The following ZNF226 variants were observed in gnomAD, a reference collection of about 807,000 sequenced individuals.
The protein encoded by ZNF226 is Kruppel-associated box protein.
ZNF226 carries 6 observed loss-of-function variants against 11.4 expected under a neutral mutation model. The observed-to-expected ratio is 0.53, with a 90% CI of 0.29 to 1.04. The LOEUF (loss-of-function observed/expected upper bound fraction) is 1.04, where lower values mean the gene tolerates loss of function less well. ZNF226 is among the 50% of genes least tolerant of loss of function. ZNF226 has a pLI of 0.08. For missense variants in ZNF226, 1,058 were observed against 956.5 expected (o/e 1.11, Z -1.40); for synonymous variants, 350 against 322.8 (o/e 1.08, Z -0.90).
downstream of ZNF226, among the ~76,000 whole-genome samples, chr19:44,181,433 A>G (rs1272367451): frequency 1.3e-5 from 2 of 151,350 alleles, no homozygotes; most frequent in Non-Finnish European, 1.5e-5. Flanking sequence ...CAACTTCCCT[A>G]TTTTGAGCCT....
downstream of ZNF226, among the ~76,000 whole-genome samples, chr19:44,182,338 TGCGC>T (rs538435042): frequency 6.7e-6 from 1 of 148,962 alleles, no homozygotes; most frequent in African/African-American, 2.6e-5. Context: ...GCACACGTGA[TGCGC>T]GCGCGCGCGT....
At chr19:44,192,912 T>C in the ZNF226 span, among the ~76,000 whole-genome samples, 12 of 152,186 alleles carry the variant, frequency 7.9e-5, no homozygotes, top group Non-Finnish European at 1.8e-4. Flanking sequence ...TACTCAATTT[T>C]TGATAAAACC....
chr19:44,199,426 T>C, the ZNF226 span, among the ~76,000 whole-genome samples: 3 of 152,332 alleles, frequency 2.0e-5, no homozygotes, highest in Middle Eastern at 3.4e-3. Context: ...ATTTACATCA[T>C]GGTGCAGCTT....
Position 44,175,716 on chromosome 19 carries a change from A to G in ZNF226, c.454A>G (p.Lys152Glu). Residue 152 changes from lysine to glutamate, a missense_variant, in exon 6 of 6, where the codon AAA becomes GAA. Physicochemically the swap from Lys to Glu is moderately conservative, Grantham distance 56. Transcript: ENST00000337433. ...ISEDENYIVN[K>E]ADGPNNTGNP... ...TGAAGATGAGAACTATATAGTAAATAAAGCAGATGGTCCCAATAATACTGG... is the reference window on the plus strand; with the variant it reads ...TGAAGATGAGAACTATATAGTAAATGAAGCAGATGGTCCCAATAATACTGG... 1 of 1,612,510 alleles carries G rather than the reference A, an allele frequency of 6.2e-7. No homozygotes were observed. The highest frequency in any genetic ancestry group is 1.7e-4 in the Middle Eastern group (1 of 6,056).
Position 44,176,149 on chromosome 19 carries a change from C to T in ZNF226, c.887C>T (p.Pro296Leu). The T allele has an allele frequency of 6.2e-7, 1 of 1,614,128 alleles. No individual in the cohort carries two copies. Among genetic ancestry groups the T allele is most frequent in the Non-Finnish European group, 8.5e-7 (1 of 1,180,014 alleles). Residue 296 changes from proline to leucine, a missense_variant, in exon 6 of 6, where the codon CCT becomes CTT. Pro to Leu is a moderately conservative substitution (Grantham distance 98, BLOSUM62 -3). Transcript: ENST00000337433. Reference sequence around the variant, plus strand: ...GGCTTCTGTTACAGCCCAGTTCTTCCTGTTCATCAGAAAGTACATGTGGGA... The same window carrying T: ...GGCTTCTGTTACAGCCCAGTTCTTCTTGTTCATCAGAAAGTACATGTGGGA... ...GKGFCYSPVL[P>L]VHQKVHVGEK...
the ZNF226 span, among the ~76,000 whole-genome samples, chr19:44,199,233 G>GT: frequency 6.6e-6 from 1 of 152,100 alleles, no homozygotes; most frequent in Non-Finnish European, 1.5e-5. Flanking sequence ...GAAGTGCAGT[G>GT]GCACAATCTT....
At chr19:44,196,113 A>G in the ZNF226 span, among the ~76,000 whole-genome samples, 2 of 152,132 alleles carry the variant, frequency 1.3e-5, no homozygotes, top group Non-Finnish European at 2.9e-5. Flanking sequence ...TCAAAGAAGC[A>G]TGATTGATAA....
chr19:44,175,447 A>C, intron 5 of ZNF226, 51 bp from the exon 6 acceptor site: 20 of 1,525,212 alleles, frequency 1.3e-5, no homozygotes, highest in Non-Finnish European at 1.7e-5. Context: ...TGAAATCTTA[A>C]ATCTTTGAAC....
chr19:44,189,239 C>G, the ZNF226 span, among the ~76,000 whole-genome samples: 1 of 152,082 alleles, frequency 6.6e-6, no homozygotes, highest in East Asian at 1.9e-4. Context: ...AAGAAAGATA[C>G]GAAGTAAAAT....
At chr19:44,178,993 A>C (rs1029639940), downstream of ZNF226, among the ~76,000 whole-genome samples, 1 of 152,122 alleles carries the variant, frequency 6.6e-6, no homozygotes, top group African/African-American at 2.4e-5. Flanking sequence ...CAACCTGGCC[A>C]ACATGGTGAA....
the ZNF226 span, among the ~76,000 whole-genome samples, chr19:44,192,809 A>AT: frequency 3.9e-5 from 6 of 152,130 alleles, no homozygotes; most frequent in Non-Finnish European, 7.4e-5. Context: ...CCTCTTGCAG[A>AT]TTTTTTTTAA....
chr19:44,172,200 AC>A lies in ZNF226; in HGVS notation c.130del (p.Leu44CysfsTer16). The A allele has an allele frequency of 6.2e-7, 1 of 1,611,614 alleles. No homozygotes were observed. Among genetic ancestry groups the A allele is most frequent in the Non-Finnish European group, 8.5e-7 (1 of 1,178,402 alleles). On this transcript the variant is annotated frameshift_variant, in exon 4 of 6. Coordinates refer to ENST00000337433, the MANE Select transcript of ZNF226 (RefSeq NM_001032373.2). LOFTEE classifies it high-confidence loss of function. ...GATGTGATGGTGGAGAACTTTAGGA[AC>A]CTGCTGTCAGTGGGTGAGGACAGCC... ...YRDVMVENFR[N>X]LLSVGHPPFK... is the part of the protein sequence containing the mutation.
downstream of ZNF226, among the ~76,000 whole-genome samples, chr19:44,178,722 A>G (rs1405682232): frequency 6.6e-6 from 1 of 152,224 alleles, no homozygotes; most frequent in South Asian, 2.1e-4. Flanking sequence ...TGGAATTCAT[A>G]GAATAGGAAT....
chr19:44,170,406 G>A (rs1001394703), intron 3 of ZNF226, among the ~76,000 whole-genome samples: 1 of 152,000 alleles, frequency 6.6e-6, no homozygotes, highest in African/African-American at 2.4e-5. Context: ...TTTGAGACCA[G>A]CCTGGCCAAC....
At chr19:44,195,426 TAGC>T in the ZNF226 span, among the ~76,000 whole-genome samples, 1 of 152,122 alleles carries the variant, frequency 6.6e-6, no homozygotes, top group African/African-American at 2.4e-5. Flanking sequence ...TCAACCTAAA[TAGC>T]AGACACAGAG....
intron 3 of ZNF226, among the ~76,000 whole-genome samples, chr19:44,171,648 T>C (rs17657025): frequency 0.05 from 7,545 of 152,354 alleles, 264 homozygotes; most frequent in Middle Eastern, 0.085. Context: ...CAGTGTATTA[T>C]ATTCAAGTGA....
rs1168874359 is a variant in ZNF226 at position 44,175,135 on chromosome 19, C to G, written c.236-363C>G. The stretch of plus-strand genomic sequence containing the variant: ...ACATTCCTTGAGTGACTATGAATGA[C>G]TGCCGGGCAGTAACTTCTGGGCTGT... On this transcript the variant is annotated intron_variant, in intron 5 of 5. Transcript: ENST00000337433. 7.8e-6 allele frequency: 12 copies of G among 1,533,980 alleles called. No individual in the cohort carries two copies. The African/African-American group carries it at 1.7e-4, about 21-fold the overall frequency.
chr19:44,172,821 A>G, intron 4 of ZNF226, 39 bp from the exon 5 acceptor site: 1 of 1,522,612 alleles, frequency 6.6e-7, no homozygotes, highest in East Asian at 2.4e-5. Context: ...TTTAACTCTA[A>G]TATGTTCATT....
At position 44,176,203 on chromosome 19, in the gene ZNF226, A is replaced by G; in HGVS notation, c.941A>G (p.Lys314Arg). The change falls in exon 6 of 6, where the codon AAG becomes AGG. Residue 314 changes from lysine to arginine, a missense_variant. Transcript: ENST00000337433. ...AAACTTAAGTGTGATGAGTGTGGTA[A>G]GGAATTCAGTCAGGGCGCTCATCTA... Reference protein sequence around the residue: ...GEKLKCDECGKEFSQGAHLQT... With the variant: ...GEKLKCDECGREFSQGAHLQT... The G allele has an allele frequency of 1.2e-6, 2 of 1,614,220 alleles. No individual in the cohort carries two copies. The highest frequency in any genetic ancestry group is 8.5e-7 in the Non-Finnish European group (1 of 1,180,034).
Sources: gnomAD v4.1 joint callset for allele counts (sites outside exome capture counted in the v4.1 genomes callset) on GRCh38, gnomAD v4.1.1 for gene constraint, MANE v1.5 for transcripts, NCBI Gene and HGNC (gene_info 2026-07-23, HGNC 2026-07-21) for gene names.